PRSS41: variants seen among roughly 807,000 people sequenced by gnomAD.
PRSS41 encodes protease, serine 41.
In PRSS41, 37 loss-of-function variants were observed where a neutral mutation model predicts 28.8. The ratio of observed to expected loss-of-function variants is 1.29; its 90% CI spans 0.99 to 1.69. PRSS41 has a LOEUF of 1.69. Among genes scored for constraint, PRSS41 ranks in the 40% most tolerant of loss-of-function variants. The probability of loss-of-function intolerance (pLI) is 0.00; values close to 1 mark genes in which losing one functional copy is unlikely to be tolerated. For missense variants in PRSS41, 431 were observed against 400.7 expected, an observed-to-expected ratio of 1.08 and a Z score of -0.65; for synonymous variants, 195 against 163.1, an observed-to-expected ratio of 1.20 and a Z score of -1.49.
At chr16:2,800,463 C>T (rs772469926) in intron 4 of PRSS41, among the ~76,000 whole-genome samples, 21 of 149,466 alleles carry the variant, frequency 1.4e-4, no homozygotes, top group Non-Finnish European at 2.8e-4. Context: ...ATCGCTTGAA[C>T]CCGTGAGGGG....
intron 4 of PRSS41, 102 bp from the exon 5 acceptor site, chr16:2,804,287 G>A (rs1210040466): frequency 7.8e-7 from 1 of 1,280,820 alleles, no homozygotes; most frequent in African/African-American, 1.5e-5. Context: ...GGTGTGTCAG[G>A]GACCTTCTCC....
At chr16:2,798,975 G>A in exon 3 of PRSS41, 2 of 1,526,630 alleles carry the variant, frequency 1.3e-6, no homozygotes, top group Non-Finnish European at 1.8e-6. Flanking sequence ...GCGGCCACCG[G>A]GAAATTCACG....
rs967770735 is a variant in PRSS41, at chr16:2,798,756, G to A, written c.91+94G>A. On this transcript the variant is annotated intron_variant, in intron 2 of 5. Coordinates refer to ENST00000399677, the Ensembl canonical transcript of PRSS41. Reference sequence around the variant, plus strand: ...GCTCTCTGTTCCAGGTCCCGAGAACGTGATGCTCTCAAGTAACTAATGGGT... The same window carrying A: ...GCTCTCTGTTCCAGGTCCCGAGAACATGATGCTCTCAAGTAACTAATGGGT... 5 of 1,276,574 alleles carry A rather than the reference G, an allele frequency of 3.9e-6. No individual in the cohort carries two copies. The African/African-American group carries it at 7.9e-5, about 20-fold the overall frequency. 79.1% of individuals were successfully genotyped at this position (1,276,574 alleles called of 1,614,324 possible).
intron 4 of PRSS41, among the ~76,000 whole-genome samples, chr16:2,803,412 T>C (rs2069002156): frequency 6.6e-6 from 1 of 152,176 alleles, no homozygotes; most frequent in Non-Finnish European, 1.5e-5. Flanking sequence ...TATACTAACT[T>C]AGCTTCAACA....
At chr16:2,804,367 TC>T in intron 4 of PRSS41, 21 bp from the exon 5 acceptor site, 1 of 1,550,694 alleles carries the variant, frequency 6.4e-7, no homozygotes, top group Non-Finnish European at 8.7e-7. Flanking sequence ...AAGGGTGCTG[TC>T]CTTTTCTGTC....
exon 4 of PRSS41, chr16:2,799,322 C>T (rs1021077121): frequency 2.6e-6 from 4 of 1,551,644 alleles, no homozygotes; most frequent in African/African-American, 1.4e-5. Flanking sequence ...TCCAGCTGGG[C>T]GAGCTGACTT....
At chr16:2,801,653 G>A (rs1309692474) in intron 4 of PRSS41, among the ~76,000 whole-genome samples, 1 of 150,984 alleles carries the variant, frequency 6.6e-6, no homozygotes, top group African/African-American at 2.4e-5. Flanking sequence ...GCACAGGGTT[G>A]GGGGTAAGGT....
At chr16:2,804,254 CAA>C (rs2069006068) in intron 4 of PRSS41, 133 bp from the exon 5 acceptor site, 1 of 875,158 alleles carries the variant, frequency 1.1e-6, no homozygotes, top group Non-Finnish European at 1.7e-6. Context: ...GCTGGGGAGT[CAA>C]GAGCAATGCT....
chr16:2,798,972 C>T, exon 3 of PRSS41: 2 of 1,533,154 alleles, frequency 1.3e-6, no homozygotes, highest in East Asian at 2.5e-5. Context: ...CCTGCGGCCA[C>T]CGGGAAATTC....
chr16:2,799,590 G>A, intron 4 of PRSS41, 21 bp downstream of exon 4: 1 of 1,549,594 alleles, frequency 6.5e-7, no homozygotes, highest in Non-Finnish European at 8.7e-7. Flanking sequence ...GGATAGACCG[G>A]GTGGGGTGAT....
At chr16:2,799,548 G>A in exon 4 of PRSS41, 1 of 1,551,566 alleles carries the variant, frequency 6.4e-7, no homozygotes, top group Non-Finnish European at 8.7e-7. Flanking sequence ...GACCGGCTGG[G>A]GGTTAATCAG....
rs1293609817 is a variant in PRSS41 at position 2,800,480 on chromosome 16, T to G, written c.541+911T>G. On this transcript the variant is annotated intron_variant, in intron 4 of 5. Transcript: ENST00000399677. ...CGCTTGAACCCGTGAGGGGCAGAGG[T>G]TTCAGCGAGCCGAGATGGCACCACT... is the stretch of plus-strand genomic sequence containing the variant. Among the ~76,000 whole-genome samples the G allele has an allele frequency of 6.5e-4, 95 of 146,776 alleles. 1 individual carries two copies. In the East Asian group the frequency reaches 0.018, roughly 27 times the overall value.
chr16:2,799,280 T>G lies in PRSS41; in HGVS notation c.258-6T>G. 1 of 1,551,216 alleles carries G rather than the reference T, an allele frequency of 6.4e-7. No individual in the cohort carries two copies. Among genetic ancestry groups the G allele is most frequent in the South Asian group, 1.2e-5 (1 of 83,996 alleles). The stretch of plus-strand genomic sequence containing the variant: ...AGGCTCCCCGCCCTCTCTCCTTTTC[T>G]GCTAGGCACTACTATCCCTCCGAGT... On this transcript the variant is annotated splice_region_variant and splice_polypyrimidine_tract_variant and intron_variant, in intron 3 of 5. Coordinates refer to ENST00000399677, the Ensembl canonical transcript of PRSS41.
In PRSS41 at chr16:2,803,427, T is replaced by TA. The variant is rs201938077; in HGVS notation, c.542-954dup. On this transcript the variant is annotated intron_variant, in intron 4 of 5. Transcript: ENST00000399677. Reference sequence around the variant, plus strand: ...TATACTAACTTAGCTTCAACAGTATTAAAAAAAATCTCTGTTCCTATATGG... The same window carrying TA: ...TATACTAACTTAGCTTCAACAGTATTAAAAAAAAATCTCTGTTCCTATATGG... 7.5e-3 allele frequency among the ~76,000 whole-genome samples: 1,145 copies of TA among 152,216 alleles called. 14 individuals are homozygous for TA. Among genetic ancestry groups the TA allele is most frequent in the African/African-American group, 0.026 (1,092 of 41,536 alleles).
exon 4 of PRSS41, chr16:2,799,320 G>A (rs2068970052): frequency 6.4e-7 from 1 of 1,551,602 alleles, no homozygotes; most frequent in Non-Finnish European, 8.7e-7. Flanking sequence ...GGTCCAGCTG[G>A]GCGAGCTGAC....
Position 2,805,056 on chromosome 16 carries a change from G to GGGTGATGT in PRSS41, c.843_850dup (p.Ser284TrpfsTer2). 6.4e-7 allele frequency: 1 copy of GGGTGATGT among 1,553,266 alleles called. No homozygotes were observed. Among genetic ancestry groups the GGGTGATGT allele is most frequent in the African/African-American group, 1.4e-5 (1 of 73,252 alleles). Reference sequence around the variant, plus strand: ...AGTGTGTACTTCCACTGGATCCGGAGGGTGATGTCCCACAGTACACCCAGG... The same window carrying GGGTGATGT: ...AGTGTGTACTTCCACTGGATCCGGAGGGTGATGTGGTGATGTCCCACAGTACACCCAGG... On this transcript the variant is annotated frameshift_variant, in exon 6 of 6. Coordinates refer to ENST00000399677, the Ensembl canonical transcript of PRSS41. LOFTEE classifies it low-confidence loss of function (END_TRUNC).
intron 2 of PRSS41, 51 bp from the exon 3 acceptor site, chr16:2,798,908 G>GGCCCCCCCCCC: frequency 5.4e-5 from 77 of 1,415,350 alleles, no homozygotes; most frequent in Non-Finnish European, 6.9e-5. Context: ...GGGCGGGCCT[G>GGCCCCCCCCCC]CCCACCCCAC....
At chr16:2,799,532 C>T (rs1322903429) in exon 4 of PRSS41, 1 of 1,551,820 alleles carries the variant, frequency 6.4e-7, no homozygotes, top group Admixed American at 2.0e-5. Context: ...GGCCGGACTG[C>T]TGGGTGACCG....
intron 2 of PRSS41, 55 bp downstream of exon 2, chr16:2,798,717 G>A: frequency 7.2e-7 from 1 of 1,389,280 alleles, no homozygotes; most frequent in Non-Finnish European, 9.4e-7. Flanking sequence ...GGGGTGCACG[G>A]GGGCCCATCT....
Sources: gnomAD v4.1 joint callset for allele counts (sites outside exome capture counted in the v4.1 genomes callset) on GRCh38, gnomAD v4.1.1 for gene constraint, MANE v1.5 for transcripts, NCBI Gene and HGNC (gene_info 2026-07-23, HGNC 2026-07-21) for gene names.